Variants in CACNA1S observed in about 807,000 individuals in gnomAD.
The protein encoded by CACNA1S is voltage-dependent L-type calcium channel subunit alpha-1S.
CACNA1S carries 126 observed loss-of-function variants against 207.4 expected under a neutral mutation model. The observed-to-expected ratio is 0.61, with a 90% CI of 0.53 to 0.70. The LOEUF (loss-of-function observed/expected upper bound fraction) is 0.70. CACNA1S is among the 30% of genes least tolerant of loss of function. The pLI, the probability that CACNA1S is intolerant of heterozygous loss-of-function variation, is 0.00. For missense variants in CACNA1S, 2,349 were observed against 2,422.8 expected, an observed-to-expected ratio of 0.97 and a Z score of 0.64; for synonymous variants, 960 against 932.7, an observed-to-expected ratio of 1.03 and a Z score of -0.53.
At chr1:201,110,749 G>A (rs1663068861) in intron 1 of CACNA1S, among the ~76,000 whole-genome samples, 1 of 152,190 alleles carries the variant, frequency 6.6e-6, no homozygotes, top group African/African-American at 2.4e-5. Context: ...GAGATGGAGA[G>A]ATGAATGCTG....
intron 5 of CACNA1S, 31 bp from the exon 6 acceptor site, chr1:201,089,494 C>T (rs750788999): frequency 1.9e-6 from 3 of 1,605,012 alleles, no homozygotes; most frequent in Non-Finnish European, 2.6e-6. Context: ...GAACATCAGA[C>T]AACAGTAGTA....
chr1:201,093,910 C>T lies in CACNA1S; in HGVS notation c.370G>A (p.Val124Met), dbSNP rs1361179745. The T allele has an allele frequency of 1.2e-6, 2 of 1,614,230 alleles. No homozygotes were observed. The highest frequency in any genetic ancestry group is 3.3e-5 in the Admixed American group (2 of 60,028). The change falls in exon 3 of 44, where the codon GTG (valine) becomes ATG (methionine). Residue 124 changes from valine to methionine, a missense_variant. Transcript: ENST00000362061. ...QDAYLRSGWN[V>M]LDFTIVFLGV... ...AGGAAGACAATGGTGAAGTCCAGCA[C>T]ATTCCAGCCACTGCGCAGGTAAGCG...
intron 5 of CACNA1S, among the ~76,000 whole-genome samples, chr1:201,090,594 A>G (rs1662188624): frequency 6.6e-6 from 1 of 152,222 alleles, no homozygotes; most frequent in African/African-American, 2.4e-5. Context: ...GAGGAGGCTA[A>G]GTCCCAGTGA....
At position 201,083,186 on chromosome 1, in the gene CACNA1S, G is replaced by T; in HGVS notation, c.1369C>A (p.Pro457Thr). 1.2e-6 allele frequency: 2 copies of T among 1,614,200 alleles called. No individual in the cohort carries two copies. The highest frequency in any genetic ancestry group is 1.7e-6 in the Non-Finnish European group (2 of 1,180,028). The change falls in exon 10 of 44, where the codon CCT (proline) becomes ACT (threonine). Residue 457 changes from proline (P) to threonine (T), a missense_variant. Transcript: ENST00000362061. ...LSIASEHHNQ[P>T]LWLTRLQDIA... ...CCTTGCAAACGGGTCAGCCAGAGAG[G>T]CTGGTTGTGGTGCTCTGAGGCGATA...
At chr1:201,094,158 T>A in intron 2 of CACNA1S, 137 bp from the exon 3 acceptor site, 1 of 936,212 alleles carries the variant, frequency 1.1e-6, no homozygotes, top group Non-Finnish European at 1.7e-6. Context: ...GCTGATGGAA[T>A]GCCTACCCCC....
intron 12 of CACNA1S, 43 bp from the exon 13 acceptor site, chr1:201,075,658 C>A (rs1269791373): frequency 6.2e-7 from 1 of 1,609,078 alleles, no homozygotes; most frequent in Non-Finnish European, 8.5e-7. Flanking sequence ...ACAGAGGGGC[C>A]TGAGAGTCTT....
chr1:201,073,640 C>A lies in CACNA1S; in HGVS notation c.2066G>T (p.Gly689Val). 1 of 1,613,814 alleles carries A rather than the reference C, an allele frequency of 6.2e-7. No individual in the cohort carries two copies. The highest frequency in any genetic ancestry group is 1.1e-5 in the South Asian group (1 of 91,078). ...CTCCTCTTCTGACTTGTCTGGGAGA[C>A]CCCTGAGTTAGAAAACCCAAAGTGG... Reference protein sequence around the residue: ...EEKKRRKMSKGLPDKSEEEKS... With the variant: ...EEKKRRKMSKVLPDKSEEEKS... Residue 689 changes from glycine (G) to valine (V), a missense_variant and splice_region_variant, in exon 15 of 44, where the codon GGT becomes GTT. By Grantham distance (109) the Gly-to-Val change is moderately radical. Transcript: ENST00000362061.
rs139276856 is a variant in CACNA1S at position 201,039,859 on chromosome 1, TG to T, written c.5593del (p.Gln1865ArgfsTer19). 4.6e-5 allele frequency: 74 copies of T among 1,608,850 alleles called. No individual in the cohort carries two copies. In the African/African-American group the frequency reaches 9.6e-4, roughly 21 times the overall value. On this transcript the variant is annotated frameshift_variant, in exon 44 of 44. Coordinates refer to ENST00000362061, the MANE Select transcript of CACNA1S (RefSeq NM_000069.3). LOFTEE classifies it high-confidence loss of function. ...LGSLDQHQGSQETLIPPRL is the reference protein window; with the variant it reads ...LGSLDQHQGSXETLIPPRL ...CAGCCTTGGAGGAATAAGGGTCTCC[TG>T]GGAGCCCTGGTGTTGGTCGAGGCTG...
intron 16 of CACNA1S, among the ~76,000 whole-genome samples, chr1:201,071,402 A>G (rs1197012922): frequency 6.6e-6 from 1 of 151,952 alleles, no homozygotes; most frequent in East Asian, 1.9e-4. Flanking sequence ...GACCCCAGAG[A>G]CACATTTCAC....
chr1:201,074,615 G>A lies in CACNA1S; in HGVS notation c.1954C>T (p.Leu652=), dbSNP rs781471427. 5 of 1,606,764 alleles carry A rather than the reference G, an allele frequency of 3.1e-6. No individual in the cohort carries two copies. In the East Asian group the frequency reaches 6.7e-5, roughly 21 times the overall value. The change falls in exon 14 of 44, where the codon CTG becomes TTG. Residue 652 remains leucine (L), a synonymous_variant. Transcript: ENST00000362061. ...GCAATGGCCAGGAAGACATTGAGCAGGATGTCTGAGCGGGTTTAGCTAAGG... is the reference window on the plus strand; with the variant it reads ...GCAATGGCCAGGAAGACATTGAGCAAGATGTCTGAGCGGGTTTAGCTAAGG... ...IILFVCGNYI[L]LNVFLAIAVD... is the part of the protein sequence containing the mutation.
intron 22 of CACNA1S, 39 bp from the exon 23 acceptor site, chr1:201,062,553 T>C: frequency 6.3e-7 from 1 of 1,590,514 alleles, no homozygotes. Flanking sequence ...GGAGGCATGT[T>C]GTCATGGAAA....
intron 10 of CACNA1S, among the ~76,000 whole-genome samples, chr1:201,078,486 C>A: frequency 1.5e-5 from 2 of 137,074 alleles, no homozygotes; most frequent in Admixed American, 8.1e-5. Context: ...AGGTGTGAGC[C>A]ACTATGCCCA....
chr1:201,046,991 T>C, intron 38 of CACNA1S, 124 bp downstream of exon 38: 3 of 1,336,020 alleles, frequency 2.2e-6, no homozygotes, highest in Non-Finnish European at 3.2e-6. Context: ...TTTTCACTCT[T>C]CTGGGCTTCC....
intron 28 of CACNA1S, among the ~76,000 whole-genome samples, chr1:201,058,118 C>G (rs879370281): frequency 6.6e-6 from 1 of 152,230 alleles, no homozygotes; most frequent in Non-Finnish European, 1.5e-5. Context: ...GGCACCACCT[C>G]CATGAAGCCT....
chr1:201,076,202 C>A (rs1245914951), intron 12 of CACNA1S, among the ~76,000 whole-genome samples: 1 of 152,204 alleles, frequency 6.6e-6, no homozygotes, highest in Non-Finnish European at 1.5e-5. Context: ...CTTCACCCAC[C>A]CAGGCCTCCT....
In CACNA1S at chr1:201,050,873, C is replaced by T. The variant is rs192683269; in HGVS notation, c.4113+111G>A. On this transcript the variant is annotated intron_variant, in intron 33 of 43. Coordinates refer to ENST00000362061, the MANE Select transcript of CACNA1S (RefSeq NM_000069.3). The stretch of plus-strand genomic sequence containing the variant: ...ACCTAACTAGAGCCTCCTGCGTCCC[C>T]GAGATGAATCCCAGGAGAGGTGGAA... 459 of 1,162,196 alleles carry T rather than the reference C, an allele frequency of 3.9e-4. No individual in the cohort carries two copies. The African/African-American group carries it at 6.3e-3, about 16-fold the overall frequency. The allele number at this position is 1,162,196 out of a possible 1,614,324, so 72.0% of individuals were successfully genotyped here. A position where few individuals can be genotyped will look rare whatever the true frequency, so the allele number is the denominator to read the frequency against.
intron 2 of CACNA1S, 68 bp from the exon 3 acceptor site, chr1:201,094,089 C>A: frequency 3.7e-6 from 6 of 1,602,552 alleles, no homozygotes; most frequent in Non-Finnish European, 4.3e-6. Context: ...CTCTTCCCTG[C>A]AGCCGTGCTG....
At position 201,088,625 on chromosome 1, in the gene CACNA1S, C is replaced by A. The variant is rs1257269359; in HGVS notation, c.900+633G>T. 2.0e-5 allele frequency among the ~76,000 whole-genome samples: 3 copies of A among 152,136 alleles called. No individual in the cohort carries two copies. In the East Asian group the frequency reaches 5.8e-4, roughly 29 times the overall value. ...TGCTCACTAAGTTCTTAACCATGGG[C>A]AAGTTACTTTAATCTCTCTGAGCCT... On this transcript the variant is annotated intron_variant, in intron 6 of 43. Transcript: ENST00000362061.
intron 28 of CACNA1S, among the ~76,000 whole-genome samples, chr1:201,055,124 G>T (rs1466002519): frequency 1.3e-5 from 2 of 152,212 alleles, no homozygotes; most frequent in East Asian, 3.8e-4. Context: ...TTGAAGAGCA[G>T]GTGGGTAGGT....
Sources: gnomAD v4.1 joint callset for allele counts (sites outside exome capture counted in the v4.1 genomes callset) on GRCh38, gnomAD v4.1.1 for gene constraint, MANE v1.5 for transcripts, NCBI Gene and HGNC (gene_info 2026-07-23, HGNC 2026-07-21) for gene names.